The following FAM199X variants were observed in gnomAD, a reference collection of about 807,000 sequenced individuals.
FAM199X encodes the protein family with sequence similarity 199, X-linked.
A neutral mutation model predicts 22.9 loss-of-function variants in FAM199X; 4 were observed. The observed-to-expected ratio is 0.17, with a 90% confidence interval of 0.09 to 0.40. The LOEUF is 0.40. FAM199X is among the 10% of genes least tolerant of loss of function. The pLI is 1.00. For synonymous variants in FAM199X, 101 were observed against 112.3 expected, an observed-to-expected ratio of 0.90 and a Z score of 0.64; for missense variants, 183 against 306.8, an observed-to-expected ratio of 0.60 and a Z score of 3.01.
At chrX:104,175,923 C>A in intron 2 of FAM199X, 81 bp downstream of exon 2, 1 of 681,359 alleles carries the variant, frequency 1.5e-6, no homozygotes, top group Non-Finnish European at 2.2e-6. Flanking sequence ...TTCATCTCTA[C>A]TTCAAAGTAA....
chrX:104,176,579 A>G (rs1921496857), intron 2 of FAM199X, among the ~76,000 whole-genome samples: 1 of 112,695 alleles, frequency 8.9e-6, no homozygotes, highest in Non-Finnish European at 1.9e-5. Flanking sequence ...AGAGGGATTG[A>G]ATATTATAAT....
chrX:104,160,150 C>T, the FAM199X span, among the ~76,000 whole-genome samples: 3 of 112,030 alleles, frequency 2.7e-5, no homozygotes, highest in Admixed American at 9.5e-5. Flanking sequence ...TCTGTAGGCC[C>T]TCTGTTGTAG....
At chrX:104,161,610 AG>A (rs1300366771), upstream of FAM199X, among the ~76,000 whole-genome samples, 1 of 111,461 alleles carries the variant, frequency 9.0e-6, no homozygotes, top group Non-Finnish European at 1.9e-5. Context: ...TGGGAGGCCG[AG>A]GTGGGCGGAT....
intron 2 of FAM199X, among the ~76,000 whole-genome samples, chrX:104,182,670 T>TA (rs1556378189): frequency 8.0e-5 from 9 of 111,908 alleles, no homozygotes; most frequent in African/African-American, 1.3e-4. Flanking sequence ...CTTACCTGAA[T>TA]GTCTTTTCCT....
chrX:104,159,206 G>A, the FAM199X span, among the ~76,000 whole-genome samples: 2 of 112,198 alleles, frequency 1.8e-5, no homozygotes, highest in Non-Finnish European at 3.8e-5. Context: ...CAACAAGAGT[G>A]TCTCTAGGGC....
At chrX:104,180,860 T>C (rs1556377677) in intron 2 of FAM199X, among the ~76,000 whole-genome samples, 1 of 112,482 alleles carries the variant, frequency 8.9e-6, no homozygotes, top group Non-Finnish European at 1.9e-5. Context: ...ACAGATGCTT[T>C]AGTTACTACT....
intron 2 of FAM199X, among the ~76,000 whole-genome samples, chrX:104,182,576 A>G (rs782598533): frequency 8.9e-6 from 1 of 111,827 alleles, no homozygotes; most frequent in South Asian, 3.7e-4. Flanking sequence ...TCATATTGAC[A>G]TATGATTAAA....
chrX:104,171,200 TG>T (rs1345715780), intron 1 of FAM199X, among the ~76,000 whole-genome samples: 1 of 111,338 alleles, frequency 9.0e-6, no homozygotes, highest in Non-Finnish European at 1.9e-5. Context: ...AAAATACCAT[TG>T]AAAGTCCTTA....
upstream of FAM199X, among the ~76,000 whole-genome samples, chrX:104,162,023 A>G (rs1556372762): frequency 1.8e-5 from 2 of 112,208 alleles, no homozygotes; most frequent in African/African-American, 6.5e-5. Context: ...CAGTATGCAA[A>G]CAGGCTTAAA....
upstream of FAM199X, among the ~76,000 whole-genome samples, chrX:104,165,661 C>T (rs1921151759): frequency 9.1e-6 from 1 of 110,359 alleles, no homozygotes; most frequent in Non-Finnish European, 1.9e-5. Flanking sequence ...CTTACGCATC[C>T]AAGAACAGGA....
At chrX:104,186,675 A>C in intron 4 of FAM199X, 54 bp downstream of exon 4, 1 of 1,039,728 alleles carries the variant, frequency 9.6e-7, no homozygotes, top group Non-Finnish European at 1.3e-6. Context: ...CCATCTTATA[A>C]AATGTAGACT....
Position 104,166,463 on chromosome X carries a change from G to A in FAM199X, c.-323G>A, listed in dbSNP as rs1451498473. Among the ~76,000 whole-genome samples, 1 of 111,425 alleles carries A rather than the reference G, an allele frequency of 9.0e-6. No homozygotes were observed. Among genetic ancestry groups the A allele is most frequent in the Non-Finnish European group, 1.9e-5 (1 of 52,699 alleles). On this transcript the variant is annotated 5_prime_UTR_variant, in exon 1 of 6. Coordinates refer to ENST00000493442, the MANE Select transcript of FAM199X (RefSeq NM_207318.4). ...CGGGCAGACTGCTGCAGTCGCAAGC[G>A]GCGAGCGCAGTGGGCGGGGCGGGCC...
intron 2 of FAM199X, among the ~76,000 whole-genome samples, chrX:104,180,586 C>T (rs1291097168): frequency 2.7e-5 from 3 of 110,885 alleles, no homozygotes; most frequent in Non-Finnish European, 5.7e-5. Context: ...AAAAATCAGA[C>T]CTGCCTTAGT....
chrX:104,178,631 G>A (rs1443432249), intron 2 of FAM199X, among the ~76,000 whole-genome samples: 1 of 111,410 alleles, frequency 9.0e-6, no homozygotes, highest in Non-Finnish European at 1.9e-5. Flanking sequence ...AGCACCATTT[G>A]TTGAAAATAT....
intron 2 of FAM199X, among the ~76,000 whole-genome samples, chrX:104,183,988 G>C (rs1921731134): frequency 9.0e-6 from 1 of 111,645 alleles, no homozygotes; most frequent in Admixed American, 9.5e-5. Flanking sequence ...ATTTCTTTGT[G>C]ATTGATTCCC....
At chrX:104,164,593 A>G (rs1485890719), upstream of FAM199X, among the ~76,000 whole-genome samples, 30 of 111,627 alleles carry the variant, frequency 2.7e-4, no homozygotes, top group Admixed American at 2.9e-3. Flanking sequence ...ATATATTTAA[A>G]TTAGACCACC....
Position 104,195,019 on chromosome X carries a change from A to G in FAM199X, c.*5241A>G, listed in dbSNP as rs1922024106. ...TTCCCTGAAGCTGTGAGGGAATAAC[A>G]ATAGTTGTATCATAAGTCGTTTCTA... On this transcript the variant is annotated 3_prime_UTR_variant, in exon 6 of 6. Transcript: ENST00000493442. 1 of 110,160 alleles carries G rather than the reference A, an allele frequency of 9.1e-6. No homozygotes were observed. The highest frequency in any genetic ancestry group is 3.3e-5 in the African/African-American group (1 of 30,362). The allele number at this position is 110,160 out of a possible 1,213,427, so 9.1% of individuals were successfully genotyped here. A position where few individuals can be genotyped will look rare whatever the true frequency, so the allele number is the denominator to read the frequency against.
intron 2 of FAM199X, among the ~76,000 whole-genome samples, chrX:104,185,296 G>A (rs1212576609): frequency 3.6e-5 from 4 of 110,589 alleles, no homozygotes; most frequent in African/African-American, 6.6e-5. Flanking sequence ...AATATGTTTA[G>A]CACAGTCTCT....
upstream of FAM199X, among the ~76,000 whole-genome samples, chrX:104,166,046 C>T (rs1921167319): frequency 8.9e-6 from 1 of 112,026 alleles, no homozygotes; most frequent in African/African-American, 3.2e-5. Flanking sequence ...GACTATTTTC[C>T]CTGCTTGGAC....
Sources: gnomAD v4.1 joint callset for allele counts (sites outside exome capture counted in the v4.1 genomes callset) on GRCh38, gnomAD v4.1.1 for gene constraint, MANE v1.5 for transcripts, NCBI Gene and HGNC (gene_info 2026-07-23, HGNC 2026-07-21) for gene names.